ENTREP1: variants seen among roughly 807,000 people sequenced by gnomAD.
ENTREP1 encodes endosomal transmembrane epsin interactor 1.
At chr9:69,380,625 T>G in the ENTREP1 span, 1 of 152,202 alleles carries the variant, frequency 6.6e-6, no homozygotes, top group South Asian at 2.1e-4. Flanking sequence ...CTTTGTGAAT[T>G]GATTTGTAAT....
chr9:69,331,490 TA>T, the ENTREP1 span, among the ~76,000 whole-genome samples: 3 of 152,256 alleles, frequency 2.0e-5, no homozygotes, highest in African/African-American at 7.2e-5. Flanking sequence ...CTACAAGAAA[TA>T]GGTTATCAGT....
chr9:69,362,580 G>A, the ENTREP1 span, among the ~76,000 whole-genome samples: 2 of 152,256 alleles, frequency 1.3e-5, no homozygotes, highest in African/African-American at 2.4e-5. Flanking sequence ...TATAAAAAAA[G>A]CATAGAAGAC....
chr9:69,373,077 A>G, the ENTREP1 span, among the ~76,000 whole-genome samples: 2 of 151,870 alleles, frequency 1.3e-5, no homozygotes, highest in African/African-American at 2.4e-5. Context: ...TATATTCTGT[A>G]TATCAGAATA....
the ENTREP1 span, among the ~76,000 whole-genome samples, chr9:69,366,385 G>GTTTT: frequency 2.1e-5 from 3 of 139,574 alleles, no homozygotes; most frequent in African/African-American, 8.0e-5. Flanking sequence ...TCCAACTGGG[G>GTTTT]TTTTTTTTTT....
the ENTREP1 span, among the ~76,000 whole-genome samples, chr9:69,333,729 A>G: frequency 3.9e-5 from 6 of 152,204 alleles, no homozygotes; most frequent in Non-Finnish European, 8.8e-5. Context: ...TTTTTACTGA[A>G]TTGGGAGATT....
chr9:69,379,473 T>G, the ENTREP1 span: 3 of 152,414 alleles, frequency 2.0e-5, no homozygotes, highest in African/African-American at 7.2e-5. Context: ...GGGAGTGGCC[T>G]CTACTGGAAT....
At chr9:69,367,604 T>TATATATATGTACACACATATATATAA in the ENTREP1 span, among the ~76,000 whole-genome samples, 2 of 134,890 alleles carry the variant, frequency 1.5e-5, no homozygotes, top group African/African-American at 5.6e-5. Flanking sequence ...GTGTTTTATA[T>TATATATATGTACACACATATATATAA]ATATATATAT....
the ENTREP1 span, chr9:69,325,178 T>G: frequency 1.9e-6 from 2 of 1,027,192 alleles, no homozygotes; most frequent in Non-Finnish European, 1.2e-6. Context: ...GCCGTGCGCA[T>G]TTCCTTCCCT....
the ENTREP1 span, among the ~76,000 whole-genome samples, chr9:69,357,189 C>T: frequency 2.0e-5 from 3 of 151,624 alleles, no homozygotes; most frequent in African/African-American, 7.3e-5. Context: ...CGGGATAGGG[C>T]AGAATTTGCT....
At chr9:69,366,225 C>G in the ENTREP1 span, among the ~76,000 whole-genome samples, 1 of 152,114 alleles carries the variant, frequency 6.6e-6, no homozygotes, top group African/African-American at 2.4e-5. Context: ...GCCATTCTAA[C>G]TATAAGATGT....
At chr9:69,372,075 A>AC in the ENTREP1 span, among the ~76,000 whole-genome samples, 2 of 152,206 alleles carry the variant, frequency 1.3e-5, no homozygotes, top group Non-Finnish European at 2.9e-5. Context: ...GGAGTCTGGG[A>AC]CAGCAGGCTG....
the ENTREP1 span, among the ~76,000 whole-genome samples, chr9:69,338,881 A>T: frequency 6.6e-6 from 1 of 152,264 alleles, no homozygotes; most frequent in East Asian, 1.9e-4. Context: ...TCGCATAGAG[A>T]TTGTCTTGAA....
At chr9:69,391,534 G>A in the ENTREP1 span, 2 of 1,293,780 alleles carry the variant, frequency 1.5e-6, no homozygotes, top group Non-Finnish European at 2.2e-6. Flanking sequence ...GGACCTAGGA[G>A]GTAGGTCAAA....
the ENTREP1 span, among the ~76,000 whole-genome samples, chr9:69,346,275 G>A: frequency 1.3e-5 from 2 of 151,992 alleles, no homozygotes; most frequent in Non-Finnish European, 2.9e-5. Flanking sequence ...GAGCCACTGC[G>A]CTTGGCCAGA....
At chr9:69,340,608 T>TGC in the ENTREP1 span, among the ~76,000 whole-genome samples, 1 of 147,124 alleles carries the variant, frequency 6.8e-6, no homozygotes, top group Non-Finnish European at 1.5e-5. Flanking sequence ...CATGTGTGTG[T>TGC]GTGCATGTGT....
At chr9:69,359,520 C>T in the ENTREP1 span, among the ~76,000 whole-genome samples, 1 of 152,144 alleles carries the variant, frequency 6.6e-6, no homozygotes, top group Non-Finnish European at 1.5e-5. Context: ...GGCTGTTTCC[C>T]CTTCACTTGG....
At chr9:69,383,736 G>A in the ENTREP1 span, 4 of 1,614,018 alleles carry the variant, frequency 2.5e-6, no homozygotes, top group Admixed American at 3.3e-5. Context: ...TGAAGCTGTG[G>A]TGAGCCAGAT....
At chr9:69,339,548 T>C in the ENTREP1 span, among the ~76,000 whole-genome samples, 1 of 152,306 alleles carries the variant, frequency 6.6e-6, no homozygotes, top group Non-Finnish European at 1.5e-5. Flanking sequence ...GGATATTTTT[T>C]CTCCATTTTC....
chr9:69,336,190 T>A, the ENTREP1 span: 1 of 1,379,528 alleles, frequency 7.2e-7, no homozygotes, highest in Non-Finnish European at 1.0e-6. Flanking sequence ...ATTTTCTATA[T>A]TTATGATAGT....
Sources: allele counts gnomAD v4.1 joint callset (sites outside exome capture counted in the v4.1 genomes callset), GRCh38; gene constraint gnomAD v4.1.1; transcripts MANE v1.5; gene names NCBI Gene and HGNC (gene_info 2026-07-23, HGNC 2026-07-21).